SOX5: variants seen among roughly 807,000 people sequenced by gnomAD.
The protein encoded by SOX5 is transcription factor SOX-5.
In SOX5, 9 loss-of-function variants were observed where a neutral mutation model predicts 92.0. The ratio of observed to expected loss-of-function variants is 0.10; its 90% confidence interval spans 0.06 to 0.17. SOX5 has a LOEUF of 0.17. Ranked by LOEUF, SOX5 falls within the 10% of genes least tolerant of loss-of-function variation. The pLI, the probability that SOX5 is intolerant of heterozygous loss-of-function variation, is 1.00. For synonymous variants in SOX5, 344 were observed against 336.3 expected, an observed-to-expected ratio of 1.02 and a Z score of -0.25; for missense variants, 642 against 944.5, an observed-to-expected ratio of 0.68 and a Z score of 4.20.
At chr12:23,875,109 C>G (rs1006615162) in intron 2 of SOX5, among the ~76,000 whole-genome samples, 4 of 152,110 alleles carry the variant, frequency 2.6e-5, no homozygotes, top group Non-Finnish European at 4.4e-5. Context: ...TGTGGTTTAC[C>G]TAATGTCACA....
At chr12:23,923,158 G>A (rs1216516709) in intron 1 of SOX5, among the ~76,000 whole-genome samples, 1 of 152,054 alleles carries the variant, frequency 6.6e-6, no homozygotes, top group East Asian at 1.9e-4. Flanking sequence ...TGTTAGCCAG[G>A]ATGGTCTCAA....
intron 1 of SOX5, among the ~76,000 whole-genome samples, chr12:24,376,368 C>T (rs2136311459): frequency 6.6e-6 from 1 of 152,264 alleles, no homozygotes; most frequent in East Asian, 1.9e-4. Flanking sequence ...ACGTTAATCA[C>T]ATGAAAGAGC....
chr12:24,499,329 G>T (rs1273026657), intron 1 of SOX5, among the ~76,000 whole-genome samples: 10 of 152,300 alleles, frequency 6.6e-5, no homozygotes, highest in African/African-American at 2.4e-4. Flanking sequence ...GGCTTAAGAG[G>T]AATGTCTTGC....
At chr12:24,363,273 T>C (rs1955801435) in intron 2 of SOX5, among the ~76,000 whole-genome samples, 1 of 152,140 alleles carries the variant, frequency 6.6e-6, no homozygotes, top group African/African-American at 2.4e-5. Flanking sequence ...TTAGATTCAT[T>C]TTTTGGCTAC....
rs2088036761 is a variant in SOX5 at position 23,688,336 on chromosome 12, C to T, written c.811-22772G>A. ...GTATTATTAAATAATCAGGAAGTAA[C>T]ATCTTCACTTAATCAAATGGTTCTG... On this transcript the variant is annotated intron_variant, in intron 6 of 14. Transcript: ENST00000451604. Among the ~76,000 whole-genome samples, 4 of 152,072 alleles carry T rather than the reference C, an allele frequency of 2.6e-5. No homozygotes were observed. The South Asian group carries it at 8.3e-4, about 31-fold the overall frequency.
chr12:23,779,473 T>C (rs1398673433), intron 3 of SOX5, among the ~76,000 whole-genome samples: 1 of 151,142 alleles, frequency 6.6e-6, no homozygotes, highest in East Asian at 1.9e-4. Context: ...TTAATACACA[T>C]ATTCAAAAAT....
intron 9 of SOX5, among the ~76,000 whole-genome samples, chr12:23,589,300 T>C (rs188074552): frequency 2.0e-5 from 3 of 151,984 alleles, no homozygotes; most frequent in Non-Finnish European, 4.4e-5. Context: ...ATAACAAAAC[T>C]GGACAATATT....
intron 2 of SOX5, among the ~76,000 whole-genome samples, chr12:24,354,301 A>G (rs1954516697): frequency 1.3e-5 from 2 of 152,360 alleles, no homozygotes; most frequent in East Asian, 1.9e-4. Context: ...AAATCCCTCA[A>G]TAGCCCTAAG....
chr12:23,589,637 T>C (rs1951241176), intron 9 of SOX5, among the ~76,000 whole-genome samples: 1 of 151,910 alleles, frequency 6.6e-6, no homozygotes. Context: ...TCTCCAGTGG[T>C]CAAAGGCTCA....
chr12:24,189,975 A>G (rs1956368484), intron 4 of SOX5, among the ~76,000 whole-genome samples: 1 of 152,186 alleles, frequency 6.6e-6, no homozygotes, highest in Admixed American at 6.5e-5. Context: ...ATATATGTTA[A>G]TTCAAAGGAG....
At chr12:24,462,066 C>T (rs1596956246) in intron 1 of SOX5, among the ~76,000 whole-genome samples, 1 of 152,194 alleles carries the variant, frequency 6.6e-6, no homozygotes, top group East Asian at 1.9e-4. Context: ...TCACTAACAA[C>T]AGGGATGCAT....
At chr12:23,868,539 T>C (rs2096839784) in intron 2 of SOX5, among the ~76,000 whole-genome samples, 1 of 152,130 alleles carries the variant, frequency 6.6e-6, no homozygotes, top group South Asian at 2.1e-4. Context: ...AACCCTAAGT[T>C]ATATGTACAA....
intron 1 of SOX5, among the ~76,000 whole-genome samples, chr12:24,392,513 C>T (rs1031289686): frequency 3.5e-4 from 53 of 152,122 alleles, no homozygotes; most frequent in Non-Finnish European, 7.3e-5. Flanking sequence ...CAGATCTTCA[C>T]ATGACTTGTT....
chr12:23,555,910 TA>T (rs1945084769), intron 11 of SOX5, among the ~76,000 whole-genome samples: 1 of 152,164 alleles, frequency 6.6e-6, no homozygotes, highest in African/African-American at 2.4e-5. Flanking sequence ...CAAAAGGCTA[TA>T]GACAGCCTAT....
At chr12:23,925,573 T>C (rs745477653) in intron 1 of SOX5, among the ~76,000 whole-genome samples, 38 of 152,112 alleles carry the variant, frequency 2.5e-4, no homozygotes, top group Non-Finnish European at 8.8e-5. Context: ...TGGTGACTAG[T>C]AATCTGTATG....
intron 2 of SOX5, among the ~76,000 whole-genome samples, chr12:24,330,854 C>A (rs1951223087): frequency 1.3e-5 from 2 of 152,218 alleles, no homozygotes; most frequent in South Asian, 2.1e-4. Flanking sequence ...TGTTGCAAAC[C>A]AAACACTGAA....
At chr12:23,759,017 A>G (rs1258610802) in intron 3 of SOX5, among the ~76,000 whole-genome samples, 1 of 69,760 alleles carries the variant, frequency 1.4e-5, no homozygotes, top group Non-Finnish European at 2.9e-5. Flanking sequence ...CAAAACACAC[A>G]CACACACACA....
chr12:24,115,475 C>T (rs1049230694), intron 4 of SOX5, among the ~76,000 whole-genome samples: 3 of 152,160 alleles, frequency 2.0e-5, no homozygotes, highest in Non-Finnish European at 4.4e-5. Context: ...AGCTCTATAG[C>T]AACCTTAAAA....
chr12:24,518,192 C>A (rs911912554), intron 1 of SOX5, among the ~76,000 whole-genome samples: 5 of 151,958 alleles, frequency 3.3e-5, no homozygotes, highest in African/African-American at 1.2e-4. Flanking sequence ...CCTCAGCCTC[C>A]CGAGTAGCTG....
Sources: gnomAD v4.1 joint callset for allele counts (sites outside exome capture counted in the v4.1 genomes callset) on GRCh38, gnomAD v4.1.1 for gene constraint, MANE v1.5 for transcripts, NCBI Gene and HGNC (gene_info 2026-07-23, HGNC 2026-07-21) for gene names.